PRPF6: variants seen among roughly 807,000 people sequenced by gnomAD.
The protein encoded by PRPF6 is pre-mRNA-processing factor 6.
PRPF6 carries 42 observed loss-of-function variants against 118.3 expected under a neutral mutation model. The observed-to-expected ratio is 0.35, with a 90% CI of 0.28 to 0.46. PRPF6 has a LOEUF of 0.46. PRPF6 is among the 20% of genes least tolerant of loss of function. PRPF6 has a pLI of 1.00. For missense variants in PRPF6, 662 were observed against 1,255.7 expected (o/e 0.53, Z 7.15); for synonymous variants, 481 against 485.1 (o/e 0.99, Z 0.11).
chr20:64,016,334 G>C (rs1298230610), intron 11 of PRPF6, among the ~76,000 whole-genome samples: 1 of 151,960 alleles, frequency 6.6e-6, no homozygotes, highest in East Asian at 1.9e-4. Context: ...TCACCAGGTT[G>C]GCCAGGCTGG....
chr20:64,017,675 G>T (rs888639556), intron 12 of PRPF6, among the ~76,000 whole-genome samples: 1 of 152,246 alleles, frequency 6.6e-6, no homozygotes. Flanking sequence ...GAGGCGCCAC[G>T]CCTGGCCGCA....
At chr20:63,983,248 G>C (rs370294696) in intron 2 of PRPF6, 33 bp downstream of exon 2, 1 of 1,613,816 alleles carries the variant, frequency 6.2e-7, no homozygotes, top group Non-Finnish European at 8.5e-7. Flanking sequence ...GGCTCCTCCA[G>C]CCAGTCTCTG....
intron 12 of PRPF6, among the ~76,000 whole-genome samples, chr20:64,017,290 C>G (rs1444899936): frequency 1.3e-5 from 2 of 148,880 alleles, no homozygotes. Context: ...CCTGGCCTCC[C>G]AAAGTGCTGG....
rs45558633 is a variant in PRPF6, at chr20:63,981,221, C to T, written c.-25C>T. ...CTTCCGCTGCCTCATTCCTTTCCTT[C>T]CTAGCCTTGGTCGTCGCCGCCACCA... On this transcript the variant is annotated 5_prime_UTR_variant, in exon 1 of 21. Coordinates refer to ENST00000266079, the MANE Select transcript of PRPF6 (RefSeq NM_012469.4). 73,736 of 1,592,058 alleles carry T rather than the reference C, an allele frequency of 0.046. 2,040 individuals carry two copies. Among genetic ancestry groups the T allele is most frequent in the Non-Finnish European group, 0.055 (64,730 of 1,168,746 alleles).
intron 11 of PRPF6, among the ~76,000 whole-genome samples, chr20:64,015,104 G>A (rs1457349449): frequency 6.6e-6 from 1 of 152,202 alleles, no homozygotes; most frequent in Non-Finnish European, 1.5e-5. Context: ...TGTAAGAGAT[G>A]TTTTTATATA....
In PRPF6 at chr20:63,981,226, C is replaced by T. The variant is rs1233745463; in HGVS notation, c.-20C>T. On this transcript the variant is annotated 5_prime_UTR_variant, in exon 1 of 21. Transcript: ENST00000266079. ...GCTGCCTCATTCCTTTCCTTCCTAGCCTTGGTCGTCGCCGCCACCATGAAC... is the reference window on the plus strand; with the variant it reads ...GCTGCCTCATTCCTTTCCTTCCTAGTCTTGGTCGTCGCCGCCACCATGAAC... 6.3e-7 allele frequency: 1 copy of T among 1,595,742 alleles called. No homozygotes were observed. Among genetic ancestry groups the T allele is most frequent in the Non-Finnish European group, 8.5e-7 (1 of 1,170,870 alleles).
chr20:63,981,396 G>A (rs1405225155), intron 1 of PRPF6, 80 bp downstream of exon 1: 2 of 1,341,290 alleles, frequency 1.5e-6, no homozygotes, highest in African/African-American at 1.5e-5. Flanking sequence ...GGGGGCGGGG[G>A]TCTATGGCCG....
At chr20:64,024,496 G>T in intron 13 of PRPF6, 59 bp from the exon 14 acceptor site, 1 of 1,606,230 alleles carries the variant, frequency 6.2e-7, no homozygotes, top group Non-Finnish European at 8.5e-7. Flanking sequence ...ATGGCTGAGT[G>T]TGATGTGTGT....
chr20:64,018,936 C>T (rs1052063446), intron 12 of PRPF6, among the ~76,000 whole-genome samples: 1 of 152,140 alleles, frequency 6.6e-6, no homozygotes, highest in African/African-American at 2.4e-5. Flanking sequence ...TGGCATTGAC[C>T]GTGTGATACA....
rs918720366 is a variant in PRPF6, at chr20:64,022,763, G to A, written c.1654G>A (p.Ala552Thr). 1 of 1,614,046 alleles carries A rather than the reference G, an allele frequency of 6.2e-7. No individual in the cohort carries two copies. The highest frequency in any genetic ancestry group is 1.7e-5 in the Admixed American group (1 of 60,020). ...TWMEDADSCV[A>T]HNALECARAI... ...ATGTCTCTCTCTGCTCTAGTGTGTAGCCCACAATGCCCTGGAGTGTGCACG... is the reference window on the plus strand; with the variant it reads ...ATGTCTCTCTCTGCTCTAGTGTGTAACCCACAATGCCCTGGAGTGTGCACG... Residue 552 changes from alanine to threonine, a missense_variant, in exon 13 of 21, where the codon GCC becomes ACC. Physicochemically the swap from Ala to Thr is moderately conservative, Grantham distance 58 (BLOSUM62 0). Transcript: ENST00000266079.
chr20:64,005,334 T>C (rs966048918), intron 9 of PRPF6, among the ~76,000 whole-genome samples: 2 of 152,202 alleles, frequency 1.3e-5, no homozygotes, highest in Non-Finnish European at 2.9e-5. Context: ...TTCTGTTCTT[T>C]AGAGACGCGA....
At chr20:63,981,803 G>C (rs1397742184) in intron 1 of PRPF6, among the ~76,000 whole-genome samples, 3 of 152,016 alleles carry the variant, frequency 2.0e-5, no homozygotes, top group Non-Finnish European at 4.4e-5. Flanking sequence ...TTTCTTGGTG[G>C]TGGTATTATA....
intron 9 of PRPF6, among the ~76,000 whole-genome samples, chr20:64,001,503 C>T (rs1052117684): frequency 2.0e-5 from 3 of 152,198 alleles, no homozygotes; most frequent in African/African-American, 7.2e-5. Flanking sequence ...GATGCTTGGG[C>T]GGTCACTCTG....
chr20:64,026,112 G>A lies in PRPF6; in HGVS notation c.2028+54G>A, dbSNP rs937402948. ...TCTGGGGTGCATGGTGTGCACATGC[G>A]GGCCCCACGCCTGGCTTGGGTGGTG... On this transcript the variant is annotated intron_variant, in intron 15 of 20. Coordinates refer to ENST00000266079, the MANE Select transcript of PRPF6 (RefSeq NM_012469.4). This position sits in a 1 kb window ranked among gnomAD's most constrained non-coding sequence, Gnocchi z 4.4. 14 of 1,595,226 alleles carry A rather than the reference G, an allele frequency of 8.8e-6. No homozygotes were observed. The highest frequency in any genetic ancestry group is 2.2e-5 in the East Asian group (1 of 44,810).
Position 64,026,086 on chromosome 20 carries a change from G to C in PRPF6, c.2028+28G>C. On this transcript the variant is annotated intron_variant, in intron 15 of 20. Transcript: ENST00000266079. This position sits in a 1 kb window ranked among gnomAD's most constrained non-coding sequence, Gnocchi z 4.4. Reference sequence around the variant, plus strand: ...ACGCAGTGGCAGGCAGGGCTGGGCCGTCTGGGGTGCATGGTGTGCACATGC... The same window carrying C: ...ACGCAGTGGCAGGCAGGGCTGGGCCCTCTGGGGTGCATGGTGTGCACATGC... The C allele has an allele frequency of 1.5e-5, 24 of 1,598,702 alleles. No individual in the cohort carries two copies. Among genetic ancestry groups the C allele is most frequent in the Non-Finnish European group, 2.0e-5 (24 of 1,179,424 alleles).
At chr20:63,982,953 AG>A in intron 1 of PRPF6, 93 bp from the exon 2 acceptor site, 1 of 1,438,318 alleles carries the variant, frequency 7.0e-7, no homozygotes, top group Non-Finnish European at 9.6e-7. Flanking sequence ...CAAAGGTGTT[AG>A]AAAAAGAGGT....
intron 9 of PRPF6, among the ~76,000 whole-genome samples, chr20:64,009,229 C>T (rs56228814): frequency 0.12 from 17,260 of 139,992 alleles, 1,262 homozygotes; most frequent in Non-Finnish European, 0.17. Context: ...TGCAGTGAGC[C>T]GAGATCACGC....
intron 6 of PRPF6, 133 bp downstream of exon 6, chr20:63,995,615 CTTT>C (rs113295997): frequency 3.1e-4 from 276 of 885,216 alleles, no homozygotes; most frequent in Middle Eastern, 3.6e-4. Flanking sequence ...TCTCCTTCTC[CTTT>C]TTTTTTTTTT....
rs980569848 is a variant in PRPF6 at position 64,027,341 on chromosome 20, A to G, written c.2205+183A>G. Among the ~76,000 whole-genome samples the G allele has an allele frequency of 6.6e-6, 1 of 152,106 alleles. No individual in the cohort carries two copies. The highest frequency in any genetic ancestry group is 1.9e-4 in the East Asian group (1 of 5,192). On this transcript the variant is annotated intron_variant, in intron 16 of 20. Coordinates refer to ENST00000266079, the MANE Select transcript of PRPF6 (RefSeq NM_012469.4). This position sits in a 1 kb window ranked among gnomAD's most constrained non-coding sequence, Gnocchi z 6.5. ...CTCGCTGAGTTCTGTGCTTTTCCTT[A>G]TATGAAGCTGCACACACTGCTCAGA... is the stretch of plus-strand genomic sequence containing the variant.
Sources: allele counts gnomAD v4.1 joint callset (sites outside exome capture counted in the v4.1 genomes callset), GRCh38; gene constraint gnomAD v4.1.1; non-coding constraint Gnocchi (gnomAD v3.1); transcripts MANE v1.5; gene names NCBI Gene and HGNC (gene_info 2026-07-23, HGNC 2026-07-21).